ABCA9: variants seen among roughly 807,000 people sequenced by gnomAD.
ABCA9 encodes ATP-binding cassette sub-family A member 9.
Under a neutral mutation model 205.3 loss-of-function variants are expected in ABCA9, and 183 were observed. The ratio of observed to expected loss-of-function variants is 0.89; its 90% CI spans 0.79 to 1.01. The LOEUF is 1.01. ABCA9 is among the 50% of genes least tolerant of loss of function. The pLI, the probability that ABCA9 is intolerant of heterozygous loss-of-function variation, is 0.00. For synonymous variants in ABCA9, 651 were observed against 683.3 expected (o/e 0.95, Z 0.74); for missense variants, 1,805 against 1,912.4 (o/e 0.94, Z 1.05).
chr17:69,029,351 A>G (rs1452520218), intron 10 of ABCA9, 124 bp from the exon 11 acceptor site: 2 of 576,422 alleles, frequency 3.5e-6, no homozygotes, highest in African/African-American at 3.8e-5. Flanking sequence ...GTAAAGCCTC[A>G]AAGAAAATCT....
intron 25 of ABCA9, among the ~76,000 whole-genome samples, chr17:69,004,507 T>C (rs371102588): frequency 3.9e-5 from 6 of 152,194 alleles, no homozygotes; most frequent in Non-Finnish European, 5.9e-5. Context: ...AACCACTGCT[T>C]TCTTCAAAGC....
intron 1 of ABCA9, among the ~76,000 whole-genome samples, chr17:69,056,746 A>G (rs1406118466): frequency 6.6e-6 from 1 of 152,228 alleles, no homozygotes; most frequent in East Asian, 1.9e-4. Flanking sequence ...GGTGAAGCCT[A>G]ATTAGATAGG....
chr17:69,011,172 T>A (rs979838205), intron 23 of ABCA9, among the ~76,000 whole-genome samples: 1 of 152,178 alleles, frequency 6.6e-6, no homozygotes, highest in Non-Finnish European at 1.5e-5. Context: ...AACTAGTATC[T>A]CATTTTATAG....
At chr17:69,011,116 G>T (rs554231071) in intron 23 of ABCA9, among the ~76,000 whole-genome samples, 2 of 152,102 alleles carry the variant, frequency 1.3e-5, no homozygotes, top group Non-Finnish European at 2.9e-5. Flanking sequence ...TAACTCATTG[G>T]TATTATATCA....
Position 68,984,157 on chromosome 17 carries a change from G to T in ABCA9, c.4398C>A (p.Thr1466=), listed in dbSNP as rs141283978. 6.2e-7 allele frequency: 1 copy of T among 1,614,034 alleles called. No individual in the cohort carries two copies. The highest frequency in any genetic ancestry group is 2.2e-5 in the East Asian group (1 of 44,886). Residue 1466 remains threonine, a synonymous_variant, in exon 35 of 39, where the codon ACC becomes ACA. Transcript: ENST00000340001. ...QQQMWQVIRA[T]FRNTERGALL... ...GGGCGCCCCTCTCCGTGTTTCTAAAGGTGGCCCGAATCACCTGCCTAAAGT... is the reference window on the plus strand; with the variant it reads ...GGGCGCCCCTCTCCGTGTTTCTAAATGTGGCCCGAATCACCTGCCTAAAGT...
intron 2 of ABCA9, among the ~76,000 whole-genome samples, chr17:69,050,328 A>G (rs2144503530): frequency 9.8e-6 from 1 of 101,690 alleles, no homozygotes; most frequent in African/African-American, 3.1e-5. Flanking sequence ...GCATGAACAC[A>G]CACACACACA....
At chr17:69,051,938 G>T (rs2071913391) in intron 1 of ABCA9, among the ~76,000 whole-genome samples, 1 of 152,084 alleles carries the variant, frequency 6.6e-6, no homozygotes, top group Non-Finnish European at 1.5e-5. Flanking sequence ...ATGGAGGTTG[G>T]GTGAAAAGTG....
the ABCA9 span, among the ~76,000 whole-genome samples, chr17:69,075,208 T>C: frequency 6.6e-6 from 1 of 152,178 alleles, no homozygotes; most frequent in South Asian, 2.1e-4. Context: ...ATTTACTCTG[T>C]TGATAGTTTC....
intron 36 of ABCA9, 142 bp from the exon 37 acceptor site, chr17:68,982,783 T>C (rs772932892): frequency 9.9e-6 from 6 of 608,600 alleles, no homozygotes; most frequent in Admixed American, 2.7e-5. Context: ...GAAGGGAAGA[T>C]TGCTTGAGCC....
intron 31 of ABCA9, among the ~76,000 whole-genome samples, chr17:68,987,766 G>GTTTT (rs1360280784): frequency 1.0e-5 from 1 of 97,654 alleles, no homozygotes; most frequent in African/African-American, 3.0e-5. Context: ...TTGTTTGTTT[G>GTTTT]TTTTTTTGTT....
At chr17:69,024,930 A>G (rs1266907038) in intron 16 of ABCA9, among the ~76,000 whole-genome samples, 4 of 152,164 alleles carry the variant, frequency 2.6e-5, no homozygotes, top group African/African-American at 9.6e-5. Flanking sequence ...TGATTTTTGA[A>G]ACTCCACTGT....
rs2068858483 is a variant in ABCA9, at chr17:68,974,810, C to T, written c.*1105G>A. The stretch of plus-strand genomic sequence containing the variant: ...AAATATGTTTCAAACTTGTGTATAA[C>T]ATATATATACATGTTCAACTTGATC... On this transcript the variant is annotated 3_prime_UTR_variant, in exon 39 of 39. Coordinates refer to ENST00000340001, the MANE Select transcript of ABCA9 (RefSeq NM_080283.4). The T allele has an allele frequency of 6.6e-6, 1 of 152,008 alleles. No individual in the cohort carries two copies. Among genetic ancestry groups the T allele is most frequent in the Non-Finnish European group, 1.5e-5 (1 of 68,016 alleles). The allele number at this position is 152,008 out of a possible 1,614,324, so 9.4% of individuals were successfully genotyped here. A position where few individuals can be genotyped will look rare whatever the true frequency, so the allele number is the denominator to read the frequency against.
intron 10 of ABCA9, among the ~76,000 whole-genome samples, chr17:69,029,811 A>G (rs1019814179): frequency 3.9e-5 from 6 of 152,348 alleles, no homozygotes; most frequent in Non-Finnish European, 7.3e-5. Flanking sequence ...AATACTTGGA[A>G]CCTAGTAAAC....
chr17:69,011,862 A>T, intron 23 of ABCA9, 114 bp downstream of exon 23: 1 of 560,476 alleles, frequency 1.8e-6, no homozygotes, highest in Non-Finnish European at 3.0e-6. Context: ...TTGATTATTC[A>T]TTGCATCAAG....
intron 32 of ABCA9, 47 bp from the exon 33 acceptor site, chr17:68,985,175 T>C (rs1174971230): frequency 1.2e-6 from 2 of 1,612,622 alleles, no homozygotes; most frequent in Non-Finnish European, 1.7e-6. Flanking sequence ...CTGGCGAATG[T>C]ACATGGGAGA....
At chr17:69,001,446 C>T (rs1941029508) in intron 25 of ABCA9, among the ~76,000 whole-genome samples, 1 of 147,666 alleles carries the variant, frequency 6.8e-6, no homozygotes, top group Non-Finnish European at 1.5e-5. Context: ...TTGAACCAGC[C>T]TTGCATCCCA....
intron 3 of ABCA9, among the ~76,000 whole-genome samples, chr17:69,046,241 T>C (rs893219075): frequency 1.3e-5 from 2 of 152,176 alleles, no homozygotes; most frequent in African/African-American, 4.8e-5. Flanking sequence ...TTCTAAAATA[T>C]GTAGTGTAAA....
At chr17:69,061,774 A>G (rs1049338788), upstream of ABCA9, among the ~76,000 whole-genome samples, 1 of 152,224 alleles carries the variant, frequency 6.6e-6, no homozygotes, top group African/African-American at 2.4e-5. Context: ...ATGTAAGTAG[A>G]AGAAAAGACT....
chr17:68,996,052 C>A, intron 25 of ABCA9, 38 bp from the exon 26 acceptor site: 1 of 1,585,654 alleles, frequency 6.3e-7, no homozygotes, highest in Non-Finnish European at 8.6e-7. Context: ...TTAAAGTGTA[C>A]CAATCTGAAT....
Sources: gnomAD v4.1 joint callset for allele counts (sites outside exome capture counted in the v4.1 genomes callset) on GRCh38, gnomAD v4.1.1 for gene constraint, MANE v1.5 for transcripts, NCBI Gene and HGNC (gene_info 2026-07-23, HGNC 2026-07-21) for gene names.